The following BCL2L14 variants were observed in gnomAD, a reference collection of about 807,000 sequenced individuals.
BCL2L14 encodes BCL2 like 14, also known as apoptosis facilitator Bcl-2-like protein 14.
In BCL2L14, 27 loss-of-function variants were observed where a neutral mutation model predicts 35.3. That is an observed-to-expected ratio of 0.76 (90% CI 0.56 to 1.05). BCL2L14 has a LOEUF of 1.05. BCL2L14 is among the 50% of genes least tolerant of loss of function. The pLI is 0.00. For missense variants in BCL2L14, 377 were observed against 382.6 expected (o/e 0.99, Z 0.12); for synonymous variants, 139 against 145.9 (o/e 0.95, Z 0.34).
upstream of BCL2L14, among the ~76,000 whole-genome samples, chr12:12,069,447 C>G (rs1007721383): frequency 6.6e-6 from 1 of 152,042 alleles, no homozygotes; most frequent in African/African-American, 2.4e-5. Flanking sequence ...CGCCTGTAAT[C>G]CCAGCACTTT....
At chr12:12,075,457 G>A (rs887457361) in intron 1 of BCL2L14, among the ~76,000 whole-genome samples, 4 of 142,652 alleles carry the variant, frequency 2.8e-5, no homozygotes, top group African/African-American at 5.2e-5. Context: ...ACGGAGTTTC[G>A]CTGTTGTTGC....
intron 5 of BCL2L14, chr12:12,095,715 G>C: frequency 2.0e-6 from 2 of 985,350 alleles, no homozygotes; most frequent in Non-Finnish European, 2.4e-6. Flanking sequence ...GGATTGAGTC[G>C]GCTCTAGGCA....
rs1348165130 is a variant in BCL2L14, at chr12:12,071,095, C to T, written c.-50C>T. 2 of 152,154 alleles carry T rather than the reference C, an allele frequency of 1.3e-5. No individual in the cohort carries two copies. The highest frequency in any genetic ancestry group is 4.8e-5 in the African/African-American group (2 of 41,430). The allele number at this position is 152,154 out of a possible 1,614,324, so 9.4% of individuals were successfully genotyped here. On this transcript the variant is annotated 5_prime_UTR_variant, in exon 1 of 6. Transcript: ENST00000308721. ...AGGTATAGAAATATCCTTACTGCCACCTGACCTGAAGCAGAAGAAATCACA... is the reference window on the plus strand; with the variant it reads ...AGGTATAGAAATATCCTTACTGCCATCTGACCTGAAGCAGAAGAAATCACA...
intron 2 of BCL2L14, among the ~76,000 whole-genome samples, chr12:12,058,278 G>A (rs1158340268): frequency 3.3e-5 from 5 of 149,796 alleles, no homozygotes; most frequent in Admixed American, 6.6e-5. Context: ...TTTTTGAGAC[G>A]GAGTCTCTGT....
rs559939789 is a variant in BCL2L14 at position 12,060,142 on chromosome 12, C to A, written c.-272+8295C>A. On this transcript the variant is annotated intron_variant, in intron 2 of 3. Coordinates refer to the BCL2L14 transcript ENST00000461264. ...GCCTCTGCTCCTCCACCCTATAATC[C>A]TTTTATCACCTCCCCTCCTCACACC... is the stretch of plus-strand genomic sequence containing the variant. Among the ~76,000 whole-genome samples the A allele has an allele frequency of 3.8e-4, 58 of 151,544 alleles. 2 individuals carry two copies. The South Asian group carries it at 0.012, about 30-fold the overall frequency.
At chr12:12,069,733 G>A (rs1948641509), upstream of BCL2L14, among the ~76,000 whole-genome samples, 1 of 149,462 alleles carries the variant, frequency 6.7e-6, no homozygotes, top group Non-Finnish European at 1.5e-5. Context: ...AAGGTGGCAA[G>A]TTTTTATAAA....
intron 2 of BCL2L14, among the ~76,000 whole-genome samples, chr12:12,063,011 T>C (rs1668851782): frequency 6.6e-6 from 1 of 152,260 alleles, no homozygotes; most frequent in Admixed American, 6.5e-5. Context: ...CTCAGAATGC[T>C]ACAAGGTACA....
chr12:12,080,346 C>T (rs1948890117), intron 2 of BCL2L14, among the ~76,000 whole-genome samples: 1 of 152,000 alleles, frequency 6.6e-6, no homozygotes, highest in South Asian at 2.1e-4. Context: ...GGAGGCTAGG[C>T]GCAGTGGCTC....
At chr12:12,068,111 C>A, upstream of BCL2L14, 1 of 397,926 alleles carries the variant, frequency 2.5e-6, no homozygotes, top group Admixed American at 4.4e-5. Context: ...GCCCAGCTAA[C>A]TTTTTATTTT....
At chr12:12,066,702 C>A (rs1948597912), upstream of BCL2L14, among the ~76,000 whole-genome samples, 1 of 150,226 alleles carries the variant, frequency 6.7e-6, no homozygotes, top group Non-Finnish European at 1.5e-5. Flanking sequence ...ACAAACAAAA[C>A]ATTATTATTA....
chr12:12,092,799 G>C (rs1949220417), intron 4 of BCL2L14, among the ~76,000 whole-genome samples: 1 of 152,142 alleles, frequency 6.6e-6, no homozygotes, highest in East Asian at 1.9e-4. Context: ...GTGGGGGTGG[G>C]CGTGGTTCAG....
intron 3 of BCL2L14, 56 bp downstream of exon 3, chr12:12,087,442 G>C (rs1949072718): frequency 6.3e-7 from 1 of 1,580,344 alleles, no homozygotes; most frequent in Admixed American, 1.7e-5. Context: ...AGGAGCATTT[G>C]TGTATTTATC....
Position 12,079,326 on chromosome 12 carries a change from T to C in BCL2L14, c.21T>C (p.Cys7=), listed in dbSNP as rs1183125515. 2 of 1,613,922 alleles carry C rather than the reference T, an allele frequency of 1.2e-6. No homozygotes were observed. Among genetic ancestry groups the C allele is most frequent in the South Asian group, 1.1e-5 (1 of 91,016 alleles). The change falls in exon 2 of 6, where the codon TGT becomes TGC. Residue 7 remains cysteine, a synonymous_variant. Coordinates refer to ENST00000308721, the MANE Select transcript of BCL2L14 (RefSeq NM_138723.2). MCSTSG[C]DLEEIPLDDD... is the part of the protein sequence containing the mutation. ...CCAACATGTGTAGCACCAGTGGGTG[T>C]GACCTGGAAGAAATCCCCCTAGATG...
At position 12,099,179 on chromosome 12, in the gene BCL2L14, T is replaced by G. The variant is rs367916967; in HGVS notation, c.*191T>G. On this transcript the variant is annotated 3_prime_UTR_variant, in exon 6 of 6. Coordinates refer to ENST00000308721, the MANE Select transcript of BCL2L14 (RefSeq NM_138723.2). ...CTCCAGCTCATAAAATGTAGCAGCA[T>G]CATCCTTGACAGTGATGTTTTTCAG... 3.4e-4 allele frequency: 193 copies of G among 572,572 alleles called. No homozygotes were observed. Among genetic ancestry groups the G allele is most frequent in the African/African-American group, 2.6e-3 (136 of 53,124 alleles). The allele number at this position is 572,572 out of a possible 1,614,324, so 35.5% of individuals were successfully genotyped here.
chr12:12,075,421 CT>C (rs1948759164), intron 1 of BCL2L14, among the ~76,000 whole-genome samples: 1 of 128,892 alleles, frequency 7.8e-6, no homozygotes, highest in Non-Finnish European at 1.7e-5. Context: ...TTCTTTCTTT[CT>C]TTCTTTCTTT....
At chr12:12,067,871 C>T (rs995128341), upstream of BCL2L14, among the ~76,000 whole-genome samples, 9 of 152,136 alleles carry the variant, frequency 5.9e-5, no homozygotes, top group African/African-American at 2.2e-4. Flanking sequence ...GACAGTTGCT[C>T]TCCTCAGCTT....
chr12:12,084,952 T>C (rs912299539), intron 2 of BCL2L14, among the ~76,000 whole-genome samples: 4 of 151,270 alleles, frequency 2.6e-5, no homozygotes, highest in African/African-American at 9.7e-5. Flanking sequence ...CGGGAGCCAC[T>C]ACGTCCTGTA....
At chr12:12,083,919 G>T (rs769275071) in intron 2 of BCL2L14, among the ~76,000 whole-genome samples, 3 of 152,190 alleles carry the variant, frequency 2.0e-5, no homozygotes, top group Non-Finnish European at 4.4e-5. Flanking sequence ...TTGCACTCCA[G>T]CTTGGATGAC....
At chr12:12,051,167 AAT>A (rs1048346171) in intron 1 of BCL2L14, among the ~76,000 whole-genome samples, 1 of 152,152 alleles carries the variant, frequency 6.6e-6, no homozygotes, top group Non-Finnish European at 1.5e-5. Context: ...GGGGTTAATA[AAT>A]AGAGATGGTG....
Sources: allele counts gnomAD v4.1 joint callset (sites outside exome capture counted in the v4.1 genomes callset), GRCh38; gene constraint gnomAD v4.1.1; transcripts MANE v1.5; gene names NCBI Gene and HGNC (gene_info 2026-07-23, HGNC 2026-07-21).